The following COX7B2 variants were observed in gnomAD, a reference collection of about 807,000 sequenced individuals.
COX7B2 encodes cytochrome c oxidase subunit 7B2, also known as cytochrome c oxidase subunit 7B2, mitochondrial.
For synonymous variants in COX7B2, 37 were observed against 32.1 expected, an observed-to-expected ratio of 1.15 and a Z score of -0.51; for missense variants, 109 against 95.9, an observed-to-expected ratio of 1.14 and a Z score of -0.57.
At chr4:46,880,087 G>A (rs915609676) in intron 1 of COX7B2, among the ~76,000 whole-genome samples, 2 of 152,150 alleles carry the variant, frequency 1.3e-5, no homozygotes, top group African/African-American at 4.8e-5. Context: ...TTTGCTGTGG[G>A]TTTGTCGTAG....
chr4:46,850,762 T>C (rs1208755712), intron 1 of COX7B2, among the ~76,000 whole-genome samples: 2 of 152,092 alleles, frequency 1.3e-5, no homozygotes, highest in African/African-American at 4.8e-5. Flanking sequence ...TGCCTGCCAA[T>C]ACTATGCTCA....
At chr4:46,767,672 A>T (rs1716624301) in intron 2 of COX7B2, among the ~76,000 whole-genome samples, 5 of 152,224 alleles carry the variant, frequency 3.3e-5, no homozygotes, top group Admixed American at 2.6e-4. Context: ...CAATGGTATA[A>T]AATTAGAAAT....
At chr4:46,826,440 C>T (rs1183696983) in intron 2 of COX7B2, among the ~76,000 whole-genome samples, 1 of 152,076 alleles carries the variant, frequency 6.6e-6, no homozygotes, top group African/African-American at 2.4e-5. Context: ...ATTAGTTCAA[C>T]TGTTATGGAA....
At chr4:46,804,267 T>C (rs1322232685) in intron 2 of COX7B2, among the ~76,000 whole-genome samples, 1 of 152,134 alleles carries the variant, frequency 6.6e-6, no homozygotes, top group African/African-American at 2.4e-5. Flanking sequence ...TAGCAAGACT[T>C]ACCGCAAAGA....
intron 1 of COX7B2, among the ~76,000 whole-genome samples, chr4:46,862,599 C>A (rs1262627920): frequency 6.6e-6 from 1 of 152,000 alleles, no homozygotes; most frequent in Admixed American, 6.6e-5. Flanking sequence ...AAATGTCTTC[C>A]GAATTTTCAA....
chr4:46,867,780 T>A (rs941338863), intron 1 of COX7B2, among the ~76,000 whole-genome samples: 2 of 152,080 alleles, frequency 1.3e-5, no homozygotes. Context: ...GGTATGCTAA[T>A]TTTTTTTGGT....
intron 2 of COX7B2, among the ~76,000 whole-genome samples, chr4:46,763,746 A>G (rs992824019): frequency 6.6e-6 from 1 of 152,202 alleles, no homozygotes; most frequent in Non-Finnish European, 1.5e-5. Context: ...AAGACTAAAC[A>G]ACAGAGAATT....
intron 1 of COX7B2, among the ~76,000 whole-genome samples, chr4:46,859,283 A>G (rs1717201216): frequency 6.6e-6 from 1 of 152,094 alleles, no homozygotes; most frequent in Non-Finnish European, 1.5e-5. Flanking sequence ...GCTTCTTCCA[A>G]ACATTTCTCA....
intron 1 of COX7B2, among the ~76,000 whole-genome samples, chr4:46,876,325 A>G (rs1335067708): frequency 6.6e-6 from 1 of 152,112 alleles, no homozygotes; most frequent in Non-Finnish European, 1.5e-5. Context: ...ATATTTAAAT[A>G]ATATTTCATT....
chr4:46,870,960 A>G (rs1212400540), intron 1 of COX7B2, among the ~76,000 whole-genome samples: 3 of 151,968 alleles, frequency 2.0e-5, no homozygotes, highest in Non-Finnish European at 4.4e-5. Flanking sequence ...TATCAATGAC[A>G]TTCTTCACAG....
chr4:46,770,389 A>C lies in COX7B2; in HGVS notation c.-49-35148T>G, dbSNP rs545040981. On this transcript the variant is annotated intron_variant, in intron 2 of 2. Coordinates refer to ENST00000355591, the MANE Select transcript of COX7B2 (RefSeq NM_130902.3). Reference sequence around the variant, plus strand: ...TAATACCTTATGTTCATGAGTTGAAACTAAAATTGTTAAAATGTCCATACT... The same window carrying C: ...TAATACCTTATGTTCATGAGTTGAACCTAAAATTGTTAAAATGTCCATACT... Among the ~76,000 whole-genome samples the C allele has an allele frequency of 1.8e-3, 280 of 152,316 alleles. 1 individual carries two copies. Among genetic ancestry groups the C allele is most frequent in the Admixed American group, 3.1e-3 (47 of 15,298 alleles).
At chr4:46,905,810 A>ATTTTTTTTTTTTT (rs1172630222) in intron 1 of COX7B2, among the ~76,000 whole-genome samples, 2 of 60,444 alleles carry the variant, frequency 3.3e-5, no homozygotes, top group Non-Finnish European at 6.9e-5. Context: ...ATAAGCATAT[A>ATTTTTTTTTTTTT]TTTCTTTTTT....
chr4:46,849,813 ATC>A (rs978265390), intron 1 of COX7B2, among the ~76,000 whole-genome samples: 6 of 151,970 alleles, frequency 3.9e-5, no homozygotes, highest in African/African-American at 1.4e-4. Context: ...CATTAGGTAT[ATC>A]TCCAAATGCT....
intron 1 of COX7B2, among the ~76,000 whole-genome samples, chr4:46,861,281 T>G (rs896074783): frequency 6.6e-6 from 1 of 152,220 alleles, no homozygotes; most frequent in Non-Finnish European, 1.5e-5. Flanking sequence ...ATCTCATCAT[T>G]TACTTTTGTT....
At chr4:46,787,165 T>C (rs1717792487) in intron 2 of COX7B2, among the ~76,000 whole-genome samples, 1 of 152,158 alleles carries the variant, frequency 6.6e-6, no homozygotes, top group African/African-American at 2.4e-5. Flanking sequence ...AAGAATATGA[T>C]AGGCAGGTGC....
intron 2 of COX7B2, among the ~76,000 whole-genome samples, chr4:46,806,030 G>A (rs912142538): frequency 6.6e-6 from 1 of 151,998 alleles, no homozygotes; most frequent in African/African-American, 2.4e-5. Flanking sequence ...CAGTCTCAGA[G>A]GCATTATTTG....
chr4:46,774,864 A>C (rs1172818268), intron 2 of COX7B2, among the ~76,000 whole-genome samples: 1 of 152,054 alleles, frequency 6.6e-6, no homozygotes. Flanking sequence ...ATTTGACTAA[A>C]TGTGATTTAC....
intron 1 of COX7B2, among the ~76,000 whole-genome samples, chr4:46,895,724 A>G (rs1031031334): frequency 1.3e-5 from 2 of 152,174 alleles, no homozygotes; most frequent in African/African-American, 4.8e-5. Flanking sequence ...GTAATTACAC[A>G]TAATCACTTT....
At chr4:46,791,102 C>G (rs11936970) in intron 2 of COX7B2, among the ~76,000 whole-genome samples, 1 of 152,054 alleles carries the variant, frequency 6.6e-6, no homozygotes, top group African/African-American at 2.4e-5. Context: ...GGGGTTCACG[C>G]ATTCTGGTGC....
Sources: gnomAD v4.1 joint callset for allele counts (sites outside exome capture counted in the v4.1 genomes callset) on GRCh38, gnomAD v4.1.1 for gene constraint, MANE v1.5 for transcripts, NCBI Gene and HGNC (gene_info 2026-07-23, HGNC 2026-07-21) for gene names.